STK31: variants seen among roughly 807,000 people sequenced by gnomAD.
The protein encoded by STK31 is serine/threonine-protein kinase 31.
STK31 carries 89 observed loss-of-function variants against 129.7 expected under a neutral mutation model. The observed-to-expected ratio is 0.69, with a 90% CI of 0.58 to 0.82. STK31 has a LOEUF of 0.82. Among genes scored for constraint, STK31 ranks in the 40% least tolerant of loss-of-function variants. The pLI is 0.00. For synonymous variants in STK31, 448 were observed against 395.3 expected (o/e 1.13, Z -1.58); for missense variants, 1,187 against 1,176.4 (o/e 1.01, Z -0.13).
intron 13 of STK31, 127 bp from the exon 14 acceptor site, chr7:23,770,878 A>G: frequency 2.0e-6 from 2 of 986,616 alleles, no homozygotes; most frequent in Non-Finnish European, 2.9e-6. Flanking sequence ...TGTGTTTAAG[A>G]ACTGTTTTGA....
intron 23 of STK31, among the ~76,000 whole-genome samples, chr7:23,824,202 T>G (rs768624178): frequency 2.6e-5 from 4 of 152,240 alleles, no homozygotes; most frequent in Non-Finnish European, 5.9e-5. Context: ...ATGGCCATTT[T>G]CTCGATATTG....
chr7:23,791,605 C>G (rs191904659), intron 22 of STK31, among the ~76,000 whole-genome samples: 4 of 152,288 alleles, frequency 2.6e-5, no homozygotes, highest in African/African-American at 9.6e-5. Context: ...ACATGTACCC[C>G]TTGAACCTAA....
At chr7:23,814,153 T>A (rs1793327535) in intron 22 of STK31, among the ~76,000 whole-genome samples, 1 of 143,638 alleles carries the variant, frequency 7.0e-6, no homozygotes, top group African/African-American at 2.6e-5. Context: ...TCACTTATTT[T>A]TTTTTTTTTT....
chr7:23,802,784 G>A (rs1792460809), intron 22 of STK31, among the ~76,000 whole-genome samples: 5 of 152,192 alleles, frequency 3.3e-5, no homozygotes. Context: ...AAAGTGCTGG[G>A]ATTACAGGAG....
chr7:23,727,235 T>A lies in STK31; in HGVS notation c.250-6T>A, dbSNP rs1347400696. The stretch of plus-strand genomic sequence containing the variant: ...CAAGTAATTTTGCTTTCTTTTCTCT[T>A]TGTAGATTTATGGTGGATTATTTTC... On this transcript the variant is annotated splice_region_variant and splice_polypyrimidine_tract_variant and intron_variant, in intron 4 of 23. Transcript: ENST00000355870. 8.1e-6 allele frequency: 13 copies of A among 1,613,070 alleles called. No individual in the cohort carries two copies. Among genetic ancestry groups the A allele is most frequent in the Non-Finnish European group, 1.1e-5 (13 of 1,179,346 alleles).
chr7:23,821,630 T>A (rs1020204474), intron 23 of STK31, among the ~76,000 whole-genome samples: 7 of 152,206 alleles, frequency 4.6e-5, no homozygotes, highest in Non-Finnish European at 1.0e-4. Flanking sequence ...TTATTTCCTT[T>A]GCTGTGCAGA....
chr7:23,740,418 C>A (rs1787989941), intron 8 of STK31, among the ~76,000 whole-genome samples: 1 of 152,124 alleles, frequency 6.6e-6, no homozygotes, highest in Admixed American at 6.6e-5. Flanking sequence ...TTTCATTAAT[C>A]TGTGACCTAA....
At chr7:23,723,539 A>C (rs1786856317) in intron 4 of STK31, among the ~76,000 whole-genome samples, 1 of 152,176 alleles carries the variant, frequency 6.6e-6, no homozygotes. Context: ...CCTTATCAAA[A>C]ATTTAAACAA....
At chr7:23,807,616 A>G (rs1009227378) in intron 22 of STK31, among the ~76,000 whole-genome samples, 3 of 151,918 alleles carry the variant, frequency 2.0e-5, no homozygotes, top group African/African-American at 7.3e-5. Context: ...GCAATTATTT[A>G]CTCAAATGCA....
intron 11 of STK31, among the ~76,000 whole-genome samples, chr7:23,763,694 CTT>C (rs1491376888): frequency 1.3e-5 from 2 of 152,002 alleles, no homozygotes; most frequent in Non-Finnish European, 2.9e-5. Flanking sequence ...GCTGATCTCT[CTT>C]TTAGTTCTCA....
At chr7:23,749,675 A>G (rs111289952) in intron 8 of STK31, among the ~76,000 whole-genome samples, 64 of 152,146 alleles carry the variant, frequency 4.2e-4, no homozygotes, top group African/African-American at 1.5e-3. Flanking sequence ...TGATAACTGT[A>G]TATGATATAT....
In STK31 at chr7:23,769,743, A is replaced by G. The variant is rs770767334; in HGVS notation, c.1700A>G (p.Glu567Gly). The G allele has an allele frequency of 2.4e-5, 38 of 1,600,664 alleles. No individual in the cohort carries two copies. Among genetic ancestry groups the G allele is most frequent in the Non-Finnish European group, 3.1e-5 (36 of 1,169,856 alleles). The change falls in exon 13 of 24, where the codon GAG (glutamate) becomes GGG (glycine). Residue 567 changes from glutamate to glycine, a missense_variant. Around this residue, in one of 5 missense-constraint regions of STK31, gnomAD observed 975 missense variants for 934.9 expected, o/e 1.04. Transcript: ENST00000355870. ...GAGTCAAGTGTCTGCAAAGAGCTGG[A>G]GATAGCTCTGGTTGTGAGTATCGAT... Reference protein sequence around the residue: ...KTESSVCKELEIALVDQGDAD... With the variant: ...KTESSVCKELGIALVDQGDAD...
At chr7:23,831,886 C>T (rs540563828) in intron 23 of STK31, among the ~76,000 whole-genome samples, 4 of 152,252 alleles carry the variant, frequency 2.6e-5, no homozygotes, top group South Asian at 4.1e-4. Context: ...TTCCCCCCAC[C>T]ACGGCCTCCC....
intron 23 of STK31, among the ~76,000 whole-genome samples, chr7:23,831,022 T>C (rs1359593963): frequency 6.6e-6 from 1 of 152,238 alleles, no homozygotes; most frequent in East Asian, 1.9e-4. Context: ...TAAAACATTT[T>C]TTGAGCTTTG....
intron 8 of STK31, among the ~76,000 whole-genome samples, chr7:23,747,791 A>G (rs972282763): frequency 2.0e-5 from 3 of 152,120 alleles, no homozygotes; most frequent in African/African-American, 4.8e-5. Flanking sequence ...TTTAATTTCC[A>G]TTGGATCTGT....
At chr7:23,725,939 T>G (rs932475263) in intron 4 of STK31, 2 of 152,194 alleles carry the variant, frequency 1.3e-5, no homozygotes, top group Non-Finnish European at 2.9e-5. Context: ...GTAGATTACA[T>G]GGTGAGAGAG....
At chr7:23,747,154 C>A (rs2128088616) in intron 8 of STK31, among the ~76,000 whole-genome samples, 1 of 152,000 alleles carries the variant, frequency 6.6e-6, no homozygotes, top group East Asian at 1.9e-4. Flanking sequence ...ATGTTGTTTT[C>A]TGATTTCAGT....
intron 10 of STK31, among the ~76,000 whole-genome samples, chr7:23,760,684 T>C (rs1212037834): frequency 1.3e-5 from 2 of 152,108 alleles, no homozygotes; most frequent in Non-Finnish European, 2.9e-5. Context: ...TTTTGAGGTA[T>C]GGTCTCACTC....
At chr7:23,809,539 G>T (rs77919738) in intron 22 of STK31, among the ~76,000 whole-genome samples, 19,999 of 152,030 alleles carry the variant, frequency 0.13, 1,293 homozygotes, top group East Asian at 0.22. Context: ...CAAAATCTGC[G>T]CAAAGTCCCA....
Sources: allele counts gnomAD v4.1 joint callset (sites outside exome capture counted in the v4.1 genomes callset), GRCh38; gene constraint gnomAD v4.1.1; regional missense constraint gnomAD v4.1.1; transcripts MANE v1.5; gene names NCBI Gene and HGNC (gene_info 2026-07-23, HGNC 2026-07-21).